The following MNAT1 variants were observed in gnomAD, a reference collection of about 807,000 sequenced individuals.
MNAT1 encodes CDK-activating kinase assembly factor MAT1.
Under a neutral mutation model 42.0 loss-of-function variants are expected in MNAT1, and 43 were observed. The ratio of observed to expected loss-of-function variants is 1.02; its 90% CI spans 0.80 to 1.32. The LOEUF (loss-of-function observed/expected upper bound fraction) is 1.32. MNAT1 is among the 40% of genes most tolerant of loss of function. The pLI is 0.00. For missense variants in MNAT1, 306 were observed against 350.4 expected, an observed-to-expected ratio of 0.87 and a Z score of 1.01; for synonymous variants, 118 against 120.0, an observed-to-expected ratio of 0.98 and a Z score of 0.11.
intron 7 of MNAT1, among the ~76,000 whole-genome samples, chr14:60,910,519 G>A (rs1309168713): frequency 6.6e-6 from 1 of 152,168 alleles, no homozygotes; most frequent in East Asian, 1.9e-4. Context: ...AATTTATTGA[G>A]AGTTTTTAAG....
chr14:60,811,644 C>T (rs931829548), intron 4 of MNAT1, among the ~76,000 whole-genome samples: 4 of 152,082 alleles, frequency 2.6e-5, no homozygotes, highest in Admixed American at 2.0e-4. Context: ...TCTAACTAGT[C>T]CTCCTATTGT....
intron 7 of MNAT1, among the ~76,000 whole-genome samples, chr14:60,915,479 A>G (rs910075750): frequency 4.6e-5 from 7 of 152,066 alleles, no homozygotes; most frequent in Non-Finnish European, 7.4e-5. Flanking sequence ...GTCTCTTCAC[A>G]TTTTTCCTTT....
At chr14:60,869,673 C>A (rs1046386187) in intron 6 of MNAT1, among the ~76,000 whole-genome samples, 2 of 152,074 alleles carry the variant, frequency 1.3e-5, no homozygotes, top group African/African-American at 4.8e-5. Context: ...GTAATTACAA[C>A]CTCTTCTATG....
intron 7 of MNAT1, among the ~76,000 whole-genome samples, chr14:60,888,718 TCTC>T (rs1330492241): frequency 7.2e-6 from 1 of 139,582 alleles, no homozygotes; most frequent in African/African-American, 2.7e-5. Context: ...CAGCCCAAAA[TCTC>T]CTTAAGCTGA....
At position 60,780,764 on chromosome 14, in the gene MNAT1, A is replaced by G. The variant is rs907021988; in HGVS notation, c.90-15453A>G. 4.6e-5 allele frequency among the ~76,000 whole-genome samples: 7 copies of G among 152,088 alleles called. No homozygotes were observed. The East Asian group carries it at 5.8e-4, about 13-fold the overall frequency. ...TGTTCCTTTTGTTTTTTTGGTACCT[A>G]TTTGACTCACCATGGAGTTAACATC... On this transcript the variant is annotated intron_variant, in intron 1 of 7. Transcript: ENST00000261245.
At chr14:60,760,258 A>C (rs911725959) in intron 1 of MNAT1, among the ~76,000 whole-genome samples, 1 of 152,028 alleles carries the variant, frequency 6.6e-6, no homozygotes, top group Non-Finnish European at 1.5e-5. Context: ...TTAGCAGGTA[A>C]TATTTCTTTA....
chr14:60,937,302 A>C (rs1448749346), intron 7 of MNAT1, among the ~76,000 whole-genome samples: 1 of 152,198 alleles, frequency 6.6e-6, no homozygotes, highest in Non-Finnish European at 1.5e-5. Context: ...GTCCTTGCCC[A>C]TGCCTATGTC....
chr14:60,862,166 C>CTAAA (rs1271269093), intron 6 of MNAT1, among the ~76,000 whole-genome samples: 1 of 152,112 alleles, frequency 6.6e-6, no homozygotes, highest in Non-Finnish European at 1.5e-5. Flanking sequence ...TTTGCTCTTG[C>CTAAA]TAAAGACAGC....
intron 1 of MNAT1, among the ~76,000 whole-genome samples, chr14:60,781,394 A>G (rs1253591928): frequency 6.6e-6 from 1 of 152,152 alleles, no homozygotes; most frequent in Non-Finnish European, 1.5e-5. Flanking sequence ...TCTTTTATGT[A>G]TGATGAAAAA....
At position 60,896,382 on chromosome 14, in the gene MNAT1, A is replaced by G. The variant is rs545103251; in HGVS notation, c.809+16547A>G. ...CATCTAGCTTTCTAGTTAATATTTTACTACCTTCCACTCAAAGAAGAGTTA... is the reference window on the plus strand; with the variant it reads ...CATCTAGCTTTCTAGTTAATATTTTGCTACCTTCCACTCAAAGAAGAGTTA... On this transcript the variant is annotated intron_variant, in intron 7 of 7. Transcript: ENST00000261245. Among the ~76,000 whole-genome samples the G allele has an allele frequency of 6.6e-5, 10 of 152,326 alleles. No homozygotes were observed. In the East Asian group the frequency reaches 1.7e-3, roughly 26 times the overall value.
intron 7 of MNAT1, among the ~76,000 whole-genome samples, chr14:60,884,117 G>C (rs1446897274): frequency 1.3e-5 from 2 of 151,998 alleles, no homozygotes; most frequent in Non-Finnish European, 2.9e-5. Flanking sequence ...AATAGCAGTG[G>C]TGATAGTGGG....
chr14:60,794,568 A>G (rs1206486159), intron 1 of MNAT1, among the ~76,000 whole-genome samples: 2 of 142,522 alleles, frequency 1.4e-5, no homozygotes, highest in African/African-American at 5.2e-5. Flanking sequence ...GAGGAGCCTG[A>G]TGTAGGACGA....
At chr14:60,945,974 A>G (rs1027747761) in intron 7 of MNAT1, among the ~76,000 whole-genome samples, 4 of 152,190 alleles carry the variant, frequency 2.6e-5, no homozygotes, top group Non-Finnish European at 5.9e-5. Flanking sequence ...CACTCTAACT[A>G]TAAACTCGTC....
At chr14:60,791,650 A>C (rs1276911396) in intron 1 of MNAT1, among the ~76,000 whole-genome samples, 1 of 152,188 alleles carries the variant, frequency 6.6e-6, no homozygotes, top group Non-Finnish European at 1.5e-5. Flanking sequence ...ATCGTAGACA[A>C]AGTTAACTGG....
chr14:60,838,223 C>T (rs1451415001), intron 6 of MNAT1, among the ~76,000 whole-genome samples: 1 of 152,008 alleles, frequency 6.6e-6, no homozygotes, highest in African/African-American at 2.4e-5. Flanking sequence ...GCAGGTTCTA[C>T]TTCCTGGGCT....
At chr14:60,864,663 C>T (rs1199603483) in intron 6 of MNAT1, among the ~76,000 whole-genome samples, 1 of 151,992 alleles carries the variant, frequency 6.6e-6, no homozygotes. Flanking sequence ...TAATAAAAGA[C>T]AATTTATGTG....
chr14:60,748,457 C>G (rs2029927098), intron 1 of MNAT1, among the ~76,000 whole-genome samples: 1 of 152,204 alleles, frequency 6.6e-6, no homozygotes, highest in Non-Finnish European at 1.5e-5. Context: ...TCTTGAACTC[C>G]TGGGCTCAAG....
chr14:60,902,909 G>A (rs1012139932), intron 7 of MNAT1, among the ~76,000 whole-genome samples: 5 of 151,652 alleles, frequency 3.3e-5, no homozygotes, highest in Non-Finnish European at 5.9e-5. Flanking sequence ...AGTTCTATTA[G>A]GTGAATATCT....
rs71114172 is a variant in MNAT1 at position 60,958,634 on chromosome 14, C to CTTTTT, written c.810-9579_810-9575dup. Among the ~76,000 whole-genome samples, 122 of 93,878 alleles carry CTTTTT rather than the reference C, an allele frequency of 1.3e-3. 5 individuals carry two copies. Among genetic ancestry groups the CTTTTT allele is most frequent in the Non-Finnish European group, 1.5e-3 (79 of 52,676 alleles). The allele number at this position is 93,878 out of a possible 152,430, so 61.6% of individuals were successfully genotyped here. A position where few individuals can be genotyped will look rare whatever the true frequency, so the allele number is the denominator to read the frequency against. On this transcript the variant is annotated intron_variant, in intron 7 of 7. Coordinates refer to ENST00000261245, the MANE Select transcript of MNAT1 (RefSeq NM_002431.4). ...CTTTTTCCTTCTTTCGAGACAAGGT[C>CTTTTT]TTTTTTTTTTTTTTTTTTTTGAGAC...
Sources: gnomAD v4.1 joint callset for allele counts (sites outside exome capture counted in the v4.1 genomes callset) on GRCh38, gnomAD v4.1.1 for gene constraint, MANE v1.5 for transcripts, NCBI Gene and HGNC (gene_info 2026-07-23, HGNC 2026-07-21) for gene names.